ITGAE: variants seen among roughly 807,000 people sequenced by gnomAD.
ITGAE encodes integrin alpha-E.
Under a neutral mutation model 136.5 loss-of-function variants are expected in ITGAE, and 99 were observed. The ratio of observed to expected loss-of-function variants is 0.73; its 90% CI spans 0.62 to 0.86. The LOEUF (loss-of-function observed/expected upper bound fraction) is 0.86. ITGAE is among the 40% of genes least tolerant of loss of function. The pLI is 0.00. For missense variants in ITGAE, 1,447 were observed against 1,515.3 expected (o/e 0.95, Z 0.75); for synonymous variants, 613 against 591.8 (o/e 1.04, Z -0.52).
chr17:3,769,590 G>A (rs571714298), intron 2 of ITGAE, among the ~76,000 whole-genome samples: 4 of 152,334 alleles, frequency 2.6e-5, no homozygotes, highest in East Asian at 3.9e-4. Flanking sequence ...CCATCAGCTC[G>A]CAGCCACAGG....
chr17:3,735,387 G>A (rs568475718), intron 20 of ITGAE, among the ~76,000 whole-genome samples: 3 of 152,126 alleles, frequency 2.0e-5, no homozygotes, highest in Admixed American at 6.6e-5. Flanking sequence ...GGCTGGTCTC[G>A]AACTCCTGAC....
intron 24 of ITGAE, among the ~76,000 whole-genome samples, chr17:3,729,055 A>G (rs1321651411): frequency 1.4e-5 from 2 of 142,514 alleles, no homozygotes; most frequent in Non-Finnish European, 3.0e-5. Context: ...AAAAAAAAAA[A>G]AGGAATAAAA....
intron 1 of ITGAE, among the ~76,000 whole-genome samples, chr17:3,785,502 GGA>G (rs1441511423): frequency 7.1e-5 from 6 of 84,512 alleles, no homozygotes; most frequent in African/African-American, 3.1e-4. Flanking sequence ...GAAGGAGGAA[GGA>G]AGGAAGGAAG....
At chr17:3,732,089 C>CA (rs1555519128) in intron 22 of ITGAE, among the ~76,000 whole-genome samples, 1 of 150,956 alleles carries the variant, frequency 6.6e-6, no homozygotes, top group South Asian at 2.1e-4. Context: ...AACAAACAAA[C>CA]AAAAAAACTT....
intron 17 of ITGAE, among the ~76,000 whole-genome samples, chr17:3,747,068 G>A (rs2051734875): frequency 6.6e-6 from 1 of 152,226 alleles, no homozygotes; most frequent in South Asian, 2.1e-4. Context: ...GCTCTTGGAT[G>A]AGCAGTAAAT....
intron 25 of ITGAE, 26 bp downstream of exon 25, chr17:3,728,079 A>G: frequency 1.9e-6 from 3 of 1,603,684 alleles, no homozygotes; most frequent in Non-Finnish European, 2.6e-6. Flanking sequence ...TTTGCCATCT[A>G]CAGCTTTACA....
Position 3,770,273 on chromosome 17 carries a change from C to G in ITGAE, c.156-6313G>C, listed in dbSNP as rs1334307084. ...TAGCTGGAATTACAGGCACCTGCCACCATGCCCAGCTAAATTTTTTTTTTT... is the reference window on the plus strand; with the variant it reads ...TAGCTGGAATTACAGGCACCTGCCAGCATGCCCAGCTAAATTTTTTTTTTT... On this transcript the variant is annotated intron_variant, in intron 2 of 30. Coordinates refer to ENST00000263087, the MANE Select transcript of ITGAE (RefSeq NM_002208.5). Among the ~76,000 whole-genome samples, 4 of 151,782 alleles carry G rather than the reference C, an allele frequency of 2.6e-5. No individual in the cohort carries two copies. The East Asian group carries it at 5.9e-4, about 22-fold the overall frequency.
At chr17:3,741,245 T>A (rs1597320689) in intron 19 of ITGAE, among the ~76,000 whole-genome samples, 1 of 23,776 alleles carries the variant, frequency 4.2e-5, no homozygotes, top group African/African-American at 1.7e-3. Context: ...GCCCAGCTAA[T>A]TTTTTTTTTT....
chr17:3,738,352 G>T (rs2143013381), intron 20 of ITGAE, among the ~76,000 whole-genome samples: 1 of 152,206 alleles, frequency 6.6e-6, no homozygotes, highest in East Asian at 1.9e-4. Context: ...TGTATTTTTA[G>T]TAGAGACGGG....
Position 3,799,555 on chromosome 17 carries a change from T to A in ITGAE, c.34+1556A>T, listed in dbSNP as rs1280533515. Among the ~76,000 whole-genome samples, 2 of 152,042 alleles carry A rather than the reference T, an allele frequency of 1.3e-5. No individual in the cohort carries two copies. The highest frequency in any genetic ancestry group is 2.1e-4 in the South Asian group (1 of 4,824). On this transcript the variant is annotated intron_variant, in intron 1 of 30. Transcript: ENST00000263087. This position sits in a 1 kb window ranked among gnomAD's most constrained non-coding sequence, Gnocchi z 4.1. ...GACAGAGGCCTGGGCTTGAGCCTCG[T>A]GTCTATTATCAGTTGCTTGCAAGCC...
At chr17:3,796,391 G>A (rs2053105001) in intron 1 of ITGAE, among the ~76,000 whole-genome samples, 2 of 152,138 alleles carry the variant, frequency 1.3e-5, no homozygotes, top group African/African-American at 4.8e-5. Flanking sequence ...TGTCTTGGTA[G>A]ATGGTCTTGA....
intron 19 of ITGAE, among the ~76,000 whole-genome samples, chr17:3,740,895 T>C (rs2051569338): frequency 6.6e-6 from 1 of 152,128 alleles, no homozygotes; most frequent in African/African-American, 2.4e-5. Flanking sequence ...TCTCTCCCGG[T>C]GGCCACCTCG....
At chr17:3,760,956 C>G in intron 6 of ITGAE, 57 bp downstream of exon 6, 1 of 1,552,216 alleles carries the variant, frequency 6.4e-7, no homozygotes, top group South Asian at 1.2e-5. Flanking sequence ...TTGGAGGCCA[C>G]CAGCCTAGGA....
At chr17:3,731,882 G>A (rs1360719400) in intron 22 of ITGAE, among the ~76,000 whole-genome samples, 4 of 151,146 alleles carry the variant, frequency 2.6e-5, no homozygotes, top group Admixed American at 2.0e-4. Flanking sequence ...AGACCAGCCT[G>A]GCCAACATGG....
chr17:3,723,699 T>C lies in ITGAE; in HGVS notation c.3130A>G (p.Ser1044Gly), dbSNP rs754403654. ...ACGGCCGCGCTTACCTGAACCGAACTGTACGCACAAGCGCGCTCCTGACTC... is the reference window on the plus strand; with the variant it reads ...ACGGCCGCGCTTACCTGAACCGAACCGTACGCACAAGCGCGCTCCTGACTC... ...TWSQERACAY[S>G]SVQHVEEWHS... is the part of the protein sequence containing the mutation. The change falls in exon 27 of 31, where the codon AGT becomes GGT. Residue 1044 changes from serine (S) to glycine (G), a missense_variant. Ser to Gly is a moderately conservative substitution (Grantham distance 56). Around this residue, in one of 3 missense-constraint regions of ITGAE, gnomAD observed 1,031 missense variants for 1,011.4 expected, o/e 1.02. Coordinates refer to ENST00000263087, the MANE Select transcript of ITGAE (RefSeq NM_002208.5). 37 of 1,601,254 alleles carry C rather than the reference T, an allele frequency of 2.3e-5. No homozygotes were observed. Among genetic ancestry groups the C allele is most frequent in the Non-Finnish European group, 3.0e-5 (35 of 1,173,780 alleles).
chr17:3,752,193 G>A (rs2051888757), intron 14 of ITGAE, among the ~76,000 whole-genome samples: 1 of 152,212 alleles, frequency 6.6e-6, no homozygotes, highest in African/African-American at 2.4e-5. Flanking sequence ...GAAAGCTGGG[G>A]TCCTCCTACC....
chr17:3,781,590 C>G (rs528987141), intron 1 of ITGAE, among the ~76,000 whole-genome samples: 1 of 152,296 alleles, frequency 6.6e-6, no homozygotes, highest in African/African-American at 2.4e-5. Flanking sequence ...CTCCTGACCT[C>G]AGGTGATCCG....
At chr17:3,775,193 CA>C (rs1382342071) in intron 2 of ITGAE, among the ~76,000 whole-genome samples, 48 of 152,198 alleles carry the variant, frequency 3.2e-4, no homozygotes, top group Middle Eastern at 6.8e-3. Context: ...TCATGTGATC[CA>C]CCCGCCTTGA....
At chr17:3,719,063 C>T (rs1023536310) in intron 29 of ITGAE, among the ~76,000 whole-genome samples, 12 of 150,858 alleles carry the variant, frequency 8.0e-5, no homozygotes, top group Admixed American at 2.0e-4. Context: ...GAAATCCTGT[C>T]TCTATTTAAA....
Sources: gnomAD v4.1 joint callset for allele counts (sites outside exome capture counted in the v4.1 genomes callset) on GRCh38, gnomAD v4.1.1 for gene constraint, gnomAD v4.1.1 regional missense constraint, Gnocchi (gnomAD v3.1) non-coding constraint, MANE v1.5 for transcripts, NCBI Gene and HGNC (gene_info 2026-07-23, HGNC 2026-07-21) for gene names.